Variants in KCNK13 observed in about 807,000 individuals in gnomAD.
The protein encoded by KCNK13 is potassium two pore domain channel subfamily K member 13, also known as potassium channel subfamily K member 13.
In KCNK13, 12 loss-of-function variants were observed where a neutral mutation model predicts 23.4. The ratio of observed to expected loss-of-function variants is 0.51; its 90% CI spans 0.33 to 0.83. The LOEUF (loss-of-function observed/expected upper bound fraction) is 0.83. Among genes scored for constraint, KCNK13 ranks in the 40% least tolerant of loss-of-function variants. The pLI, the probability that KCNK13 is intolerant of heterozygous loss-of-function variation, is 0.02. For missense variants in KCNK13, 463 were observed against 556.3 expected, an observed-to-expected ratio of 0.83 and a Z score of 1.69; for synonymous variants, 231 against 229.5, an observed-to-expected ratio of 1.01 and a Z score of -0.06.
intron 1 of KCNK13, among the ~76,000 whole-genome samples, chr14:90,130,745 CAG>C (rs954286724): frequency 2.6e-5 from 4 of 152,040 alleles, no homozygotes; most frequent in African/African-American, 9.7e-5. Context: ...ACCCGGGAAA[CAG>C]AGGTTGTGGT....
At chr14:90,087,141 T>TACATATATATATATACAC (rs1566949162) in intron 1 of KCNK13, among the ~76,000 whole-genome samples, 33 of 114,050 alleles carry the variant, frequency 2.9e-4, no homozygotes, top group African/African-American at 1.1e-3. Context: ...TATATATATA[T>TACATATATATATATACAC]ATATATATAT....
At chr14:90,087,856 G>T (rs1889299323) in intron 1 of KCNK13, among the ~76,000 whole-genome samples, 1 of 152,158 alleles carries the variant, frequency 6.6e-6, no homozygotes, top group Admixed American at 6.5e-5. Flanking sequence ...AGCTAGTGAT[G>T]ATGTCCTTCT....
chr14:90,120,962 C>G (rs1889732390), intron 1 of KCNK13, among the ~76,000 whole-genome samples: 1 of 152,134 alleles, frequency 6.6e-6, no homozygotes, highest in Non-Finnish European at 1.5e-5. Context: ...TGGATAAATA[C>G]ACCCATTGCA....
chr14:90,125,717 A>C (rs547267278), intron 1 of KCNK13, among the ~76,000 whole-genome samples: 1 of 152,198 alleles, frequency 6.6e-6, no homozygotes, highest in Non-Finnish European at 1.5e-5. Flanking sequence ...TGATTTGAAC[A>C]ACAGAATAAG....
chr14:90,147,779 A>G (rs532810751), intron 1 of KCNK13, among the ~76,000 whole-genome samples: 1 of 152,292 alleles, frequency 6.6e-6, no homozygotes, highest in Admixed American at 6.5e-5. Flanking sequence ...AGGTTAGGTT[A>G]TACTTTTTAA....
At chr14:90,079,983 G>A (rs1161421989) in intron 1 of KCNK13, among the ~76,000 whole-genome samples, 3 of 152,172 alleles carry the variant, frequency 2.0e-5, no homozygotes, top group African/African-American at 2.4e-5. Context: ...TGCAGATGAG[G>A]GAGAGAAGGA....
At chr14:90,161,963 G>C in intron 1 of KCNK13, among the ~76,000 whole-genome samples, 1 of 152,118 alleles carries the variant, frequency 6.6e-6, no homozygotes, top group Non-Finnish European at 1.5e-5. Context: ...AGGATTGTGT[G>C]AGCCCAGGAG....
chr14:90,069,327 G>A (rs1308992546), intron 1 of KCNK13, among the ~76,000 whole-genome samples: 1 of 152,018 alleles, frequency 6.6e-6, no homozygotes, highest in Non-Finnish European at 1.5e-5. Flanking sequence ...GAGCCACTGC[G>A]CCCAGCCCTA....
chr14:90,062,804 A>G lies in KCNK13; in HGVS notation c.334+265A>G, dbSNP rs1365166496. Among the ~76,000 whole-genome samples, 4 of 152,194 alleles carry G rather than the reference A, an allele frequency of 2.6e-5. No homozygotes were observed. Among genetic ancestry groups the G allele is most frequent in the African/African-American group, 7.2e-5 (3 of 41,442 alleles). ...GCAGACCTGCCGAGTCAGAATCTGC[A>G]TGTTAACAAAGTCCCCAAAGGATTG... On this transcript the variant is annotated intron_variant, in intron 1 of 1. Transcript: ENST00000282146. This position sits in a 1 kb window ranked among gnomAD's most constrained non-coding sequence, Gnocchi z 4.5.
At chr14:90,182,839 AAGAG>A (rs1229339136) in intron 1 of KCNK13, among the ~76,000 whole-genome samples, 2 of 151,620 alleles carry the variant, frequency 1.3e-5, no homozygotes, top group Non-Finnish European at 2.9e-5. Context: ...AAAAAAAAAA[AAGAG>A]AGAGGTTTGA....
chr14:90,176,157 G>A (rs1416449631), intron 1 of KCNK13, among the ~76,000 whole-genome samples: 3 of 152,310 alleles, frequency 2.0e-5, no homozygotes, highest in East Asian at 3.9e-4. Context: ...TGTACCACAA[G>A]CAACAGGAGG....
intron 1 of KCNK13, among the ~76,000 whole-genome samples, chr14:90,178,231 C>CAAAAAACA (rs1890444930): frequency 1.3e-5 from 1 of 75,072 alleles, no homozygotes; most frequent in Non-Finnish European, 2.5e-5. Flanking sequence ...TTCCTAAAAG[C>CAAAAAACA]AAAAAAAAAA....
Position 90,062,916 on chromosome 14 carries a change from C to T in KCNK13, c.334+377C>T, listed in dbSNP as rs970668298. ...CGGCTTGAGTTCATGGGGAAGAAGG[C>T]TTTTACAGATAGGGACAGGAAACTA... is the stretch of plus-strand genomic sequence containing the variant. On this transcript the variant is annotated intron_variant, in intron 1 of 1. Coordinates refer to ENST00000282146, the MANE Select transcript of KCNK13 (RefSeq NM_022054.4). This position sits in a 1 kb window ranked among gnomAD's most constrained non-coding sequence, Gnocchi z 4.5. Among the ~76,000 whole-genome samples the T allele has an allele frequency of 1.3e-5, 2 of 152,040 alleles. No individual in the cohort carries two copies. Among genetic ancestry groups the T allele is most frequent in the African/African-American group, 2.4e-5 (1 of 41,394 alleles).
chr14:90,079,638 AG>A lies in KCNK13; in HGVS notation c.334+17103del, dbSNP rs768454078. Among the ~76,000 whole-genome samples, 40 of 152,220 alleles carry A rather than the reference AG, an allele frequency of 2.6e-4. 1 individual carries two copies. The highest frequency in any genetic ancestry group is 1.5e-4 in the Non-Finnish European group (10 of 68,040). On this transcript the variant is annotated intron_variant, in intron 1 of 1. Coordinates refer to ENST00000282146, the MANE Select transcript of KCNK13 (RefSeq NM_022054.4). Reference sequence around the variant, plus strand: ...TGGGGCACAAATAGTGTCTCCTATAAGGGGCTTCCCAGAAATTCCAGTTACT... The same window carrying A: ...TGGGGCACAAATAGTGTCTCCTATAAGGGCTTCCCAGAAATTCCAGTTACT...
At chr14:90,104,456 A>G (rs940806890) in intron 1 of KCNK13, among the ~76,000 whole-genome samples, 1 of 152,228 alleles carries the variant, frequency 6.6e-6, no homozygotes, top group African/African-American at 2.4e-5. Context: ...CTCTTGGCAC[A>G]GCAGCACCCA....
intron 1 of KCNK13, among the ~76,000 whole-genome samples, chr14:90,079,518 C>G (rs2146869): frequency 0.36 from 54,229 of 151,978 alleles, 10,205 homozygotes; most frequent in South Asian, 0.49. Context: ...CCAGGTCTCA[C>G]CTGTGTGCAG....
At chr14:90,142,670 A>G (rs1890023476) in intron 1 of KCNK13, among the ~76,000 whole-genome samples, 1 of 152,164 alleles carries the variant, frequency 6.6e-6, no homozygotes, top group Non-Finnish European at 1.5e-5. Context: ...TTCATTTCCA[A>G]GTGAATTGCC....
At position 90,135,913 on chromosome 14, in the gene KCNK13, C is replaced by G. The variant is rs541770767; in HGVS notation, c.335-48198C>G. Among the ~76,000 whole-genome samples, 10 of 152,072 alleles carry G rather than the reference C, an allele frequency of 6.6e-5. No individual in the cohort carries two copies. In the East Asian group the frequency reaches 1.9e-3, roughly 29 times the overall value. On this transcript the variant is annotated intron_variant, in intron 1 of 1. Transcript: ENST00000282146. Reference sequence around the variant, plus strand: ...CTTTTTTCCCTTCAACAGATGAGAACATGCATTCAGCTGTCATCACTTCTC... The same window carrying G: ...CTTTTTTCCCTTCAACAGATGAGAAGATGCATTCAGCTGTCATCACTTCTC...
At chr14:90,111,438 G>A (rs1036182566) in intron 1 of KCNK13, among the ~76,000 whole-genome samples, 2 of 152,134 alleles carry the variant, frequency 1.3e-5, no homozygotes, top group African/African-American at 4.8e-5. Context: ...TGGTTGATTA[G>A]CTCAGGGAAA....
Sources: gnomAD v4.1 joint callset for allele counts (sites outside exome capture counted in the v4.1 genomes callset) on GRCh38, gnomAD v4.1.1 for gene constraint, Gnocchi (gnomAD v3.1) non-coding constraint, MANE v1.5 for transcripts, NCBI Gene and HGNC (gene_info 2026-07-23, HGNC 2026-07-21) for gene names.